Variants in MPHOSPH10 observed in about 807,000 individuals in gnomAD.
The protein encoded by MPHOSPH10 is U3 small nucleolar ribonucleoprotein MPP10.
A neutral mutation model predicts 77.3 loss-of-function variants in MPHOSPH10; 33 were observed. The observed-to-expected ratio is 0.43, with a 90% confidence interval of 0.32 to 0.57. The LOEUF (loss-of-function observed/expected upper bound fraction) is 0.57. Ranked by LOEUF, MPHOSPH10 falls within the 20% of genes least tolerant of loss-of-function variation. The pLI is 0.07. For missense variants in MPHOSPH10, 708 were observed against 780.1 expected (o/e 0.91, Z 1.10); for synonymous variants, 245 against 268.0 (o/e 0.91, Z 0.84).
intron 4 of MPHOSPH10, 149 bp downstream of exon 4, chr2:71,134,946 C>A (rs1048394809): frequency 1.1e-5 from 7 of 637,690 alleles, no homozygotes; most frequent in South Asian, 8.4e-5. Context: ...GCAAGAGGAT[C>A]GCTTGAGCTC....
chr2:71,149,055 C>G, intron 9 of MPHOSPH10, 168 bp from the exon 10 acceptor site: 1 of 638,316 alleles, frequency 1.6e-6, no homozygotes, highest in Non-Finnish European at 2.8e-6. Flanking sequence ...TTTTAAAGAG[C>G]TGAGTTACCA....
chr2:71,133,826 A>T, intron 2 of MPHOSPH10, 122 bp from the exon 3 acceptor site: 2 of 882,526 alleles, frequency 2.3e-6, no homozygotes, highest in Non-Finnish European at 3.3e-6. Context: ...ATTAGTTATT[A>T]GCTTGTAGTG....
rs376977353 is a variant in MPHOSPH10 at position 71,148,142 on chromosome 2, A to G, written c.1665+36A>G. The G allele has an allele frequency of 2.1e-5, 33 of 1,546,292 alleles. 1 individual carries two copies. Among genetic ancestry groups the G allele is most frequent in the African/African-American group, 5.4e-5 (4 of 73,402 alleles). On this transcript the variant is annotated intron_variant, in intron 9 of 10. Transcript: ENST00000244230. ...AATGTTGAAACCTTAAATGTCTGTT[A>G]CAAGTTAGTTGATCATAGCCAGACT... is the stretch of plus-strand genomic sequence containing the variant.
At chr2:71,149,551 C>A in intron 10 of MPHOSPH10, 98 bp downstream of exon 10, 4 of 1,129,732 alleles carry the variant, frequency 3.5e-6, no homozygotes, top group East Asian at 4.8e-5. Context: ...GCTGACAGCC[C>A]ACCTGCGGGA....
At chr2:71,148,472 T>G (rs1461509367) in intron 9 of MPHOSPH10, 1 of 185,732 alleles carries the variant, frequency 5.4e-6, no homozygotes, top group Non-Finnish European at 1.1e-5. Flanking sequence ...TTTATTCATG[T>G]AATGCTAATT....
Position 71,138,520 on chromosome 2 carries a change from G to T in MPHOSPH10, c.1129G>T (p.Glu377Ter), listed in dbSNP as rs763760770. Residue 377 changes from glutamate (E) to a stop codon, truncating the protein, a stop_gained, in exon 5 of 11, where the codon GAG becomes TAG. Coordinates refer to ENST00000244230, the MANE Select transcript of MPHOSPH10 (RefSeq NM_005791.3). LOFTEE classifies it high-confidence loss of function. ...MNEKIASLEK[E>*]LLEKKPWQLQ... ...TGAAAAAATTGCATCTTTAGAAAAA[G>T]AGTTGTTAGAAAAAAAGCCGTGGCA... 1 of 1,596,534 alleles carries T rather than the reference G, an allele frequency of 6.3e-7. No individual in the cohort carries two copies. Among genetic ancestry groups the T allele is most frequent in the South Asian group, 1.1e-5 (1 of 87,986 alleles).
intron 4 of MPHOSPH10, 21 bp from the exon 5 acceptor site, chr2:71,138,469 G>T: frequency 1.3e-6 from 2 of 1,515,526 alleles, no homozygotes; most frequent in Admixed American, 2.2e-5. Flanking sequence ...ATGTATACTA[G>T]TTATTTTATC....
intron 8 of MPHOSPH10, among the ~76,000 whole-genome samples, chr2:71,146,794 A>G (rs1352115043): frequency 6.6e-6 from 1 of 152,082 alleles, no homozygotes; most frequent in African/African-American, 2.4e-5. Flanking sequence ...CCAGGATCCT[A>G]TTGTGTTTAT....
At chr2:71,134,130 C>T in intron 3 of MPHOSPH10, 25 bp downstream of exon 3, 1 of 1,589,248 alleles carries the variant, frequency 6.3e-7, no homozygotes, top group Non-Finnish European at 8.6e-7. Flanking sequence ...CCATCCTTTA[C>T]ATTGTAAGCT....
At position 71,130,745 on chromosome 2, in the gene MPHOSPH10, G is replaced by T; in HGVS notation, c.80G>T (p.Cys27Phe). 1.2e-5 allele frequency: 20 copies of T among 1,608,556 alleles called. No homozygotes were observed. Among genetic ancestry groups the T allele is most frequent in the Non-Finnish European group, 1.6e-5 (19 of 1,177,672 alleles). ...GGCAAAGCCACGGGTCGGCCCGAGT[G>T]CTTCCTCACGTAAGTGCGCAGATCC... ...EVGKATGRPE[C>F]FLTIQEGLAS... Residue 27 changes from cysteine (C) to phenylalanine (F), a missense_variant, in exon 1 of 11, where the codon TGC (cysteine) becomes TTC (phenylalanine). Around this residue, in one of 3 missense-constraint regions of MPHOSPH10, gnomAD observed 433 missense variants for 432.6 expected, o/e 1.00. Coordinates refer to ENST00000244230, the MANE Select transcript of MPHOSPH10 (RefSeq NM_005791.3).
intron 7 of MPHOSPH10, among the ~76,000 whole-genome samples, chr2:71,143,422 C>T (rs551632748): frequency 3.9e-4 from 60 of 152,194 alleles, no homozygotes; most frequent in African/African-American, 1.2e-3. Context: ...TGAGCCACCG[C>T]GCCCAGCCAG....
chr2:71,144,756 T>C (rs1458119668), intron 8 of MPHOSPH10, among the ~76,000 whole-genome samples: 1 of 152,196 alleles, frequency 6.6e-6, no homozygotes. Flanking sequence ...GGGCTGGGCA[T>C]GGTCAGGCAT....
rs147470609 is a variant in MPHOSPH10 at position 71,144,528 on chromosome 2, T to C, written c.1547T>C (p.Ile516Thr). The C allele has an allele frequency of 3.7e-6, 6 of 1,611,426 alleles. No individual in the cohort carries two copies. The African/African-American group carries it at 8.0e-5, about 22-fold the overall frequency. Residue 516 changes from isoleucine to threonine, a missense_variant, in exon 8 of 11, where the codon ATC becomes ACC. Coordinates refer to ENST00000244230, the MANE Select transcript of MPHOSPH10 (RefSeq NM_005791.3). Reference sequence around the variant, plus strand: ...GATGCCCTCTCAAACTTCCACTTTATCCCTAAACCGGTAAGTGTGTTAACA... The same window carrying C: ...GATGCCCTCTCAAACTTCCACTTTACCCCTAAACCGGTAAGTGTGTTAACA... Reference protein sequence around the residue: ...KLDALSNFHFIPKPPVPEIKV... With the variant: ...KLDALSNFHFTPKPPVPEIKV...
At chr2:71,146,199 C>T (rs1673703518) in intron 8 of MPHOSPH10, among the ~76,000 whole-genome samples, 1 of 152,154 alleles carries the variant, frequency 6.6e-6, no homozygotes, top group South Asian at 2.1e-4. Context: ...AATGAAAAGC[C>T]TTTCTTTTTT....
At chr2:71,136,262 C>G (rs1673487378) in intron 4 of MPHOSPH10, among the ~76,000 whole-genome samples, 1 of 152,136 alleles carries the variant, frequency 6.6e-6, no homozygotes, top group Non-Finnish European at 1.5e-5. Flanking sequence ...TGGCTCACAC[C>G]TGCACTTTGG....
chr2:71,135,784 C>A (rs1412829433), intron 4 of MPHOSPH10, among the ~76,000 whole-genome samples: 1 of 149,558 alleles, frequency 6.7e-6, no homozygotes. Context: ...CTCACTGCAA[C>A]CTCCACCTCC....
At chr2:71,139,076 T>C (rs915082522) in intron 5 of MPHOSPH10, 4 of 306,092 alleles carry the variant, frequency 1.3e-5, no homozygotes, top group African/African-American at 8.4e-5. Flanking sequence ...CACAGAAGAG[T>C]TGAAAAAATA....
Position 71,133,335 on chromosome 2 carries a change from A to G in MPHOSPH10, c.527A>G (p.Asp176Gly). ...GATGAGGATTCTGACCTTGACTTTG[A>G]TATCAGCAAATTGGAACAGCAGAGC... ...FSDEDSDLDF[D>G]ISKLEQQSKV... The change falls in exon 2 of 11, where the codon GAT becomes GGT. Residue 176 changes from aspartate (D) to glycine (G), a missense_variant. Transcript: ENST00000244230. 1 of 1,614,146 alleles carries G rather than the reference A, an allele frequency of 6.2e-7. No individual in the cohort carries two copies. Among genetic ancestry groups the G allele is most frequent in the Non-Finnish European group, 8.5e-7 (1 of 1,180,006 alleles).
chr2:71,130,849 A>C lies in MPHOSPH10; in HGVS notation c.89+95A>C, dbSNP rs924696190. 32 of 1,184,664 alleles carry C rather than the reference A, an allele frequency of 2.7e-5. No homozygotes were observed. In the South Asian group the frequency reaches 3.1e-4, roughly 12 times the overall value. 73.4% of individuals were successfully genotyped at this position (1,184,664 alleles called of 1,614,324 possible). A position where few individuals can be genotyped will look rare whatever the true frequency, so the allele number is the denominator to read the frequency against. On this transcript the variant is annotated intron_variant, in intron 1 of 10. Transcript: ENST00000244230. ...CAAATTGTGGAGCTGGGGGAAGGTA[A>C]GGGGAAACGTAAAATCGCTTTTCCC...
Sources: gnomAD v4.1 joint callset for allele counts (sites outside exome capture counted in the v4.1 genomes callset) on GRCh38, gnomAD v4.1.1 for gene constraint, gnomAD v4.1.1 regional missense constraint, MANE v1.5 for transcripts, NCBI Gene and HGNC (gene_info 2026-07-23, HGNC 2026-07-21) for gene names.